The following CTNNA3 variants were observed in gnomAD, a reference collection of about 807,000 sequenced individuals.
CTNNA3 encodes catenin alpha-3.
In CTNNA3, 76 loss-of-function variants were observed where a neutral mutation model predicts 95.7. The ratio of observed to expected loss-of-function variants is 0.79; its 90% CI spans 0.66 to 0.96. The LOEUF (loss-of-function observed/expected upper bound fraction) is 0.96, where lower values mean the gene tolerates loss of function less well. Ranked by LOEUF, CTNNA3 falls within the 40% of genes least tolerant of loss-of-function variation. The pLI is 0.00. For synonymous variants in CTNNA3, 431 were observed against 374.4 expected (o/e 1.15, Z -1.74); for missense variants, 1,191 against 1,089.8 (o/e 1.09, Z -1.31).
At chr10:67,034,912 C>T (rs1158685409) in intron 7 of CTNNA3, among the ~76,000 whole-genome samples, 1 of 152,180 alleles carries the variant, frequency 6.6e-6, no homozygotes, top group Non-Finnish European at 1.5e-5. Context: ...TATCTCTTGG[C>T]AATGCTATTT....
At chr10:66,578,784 C>CTT (rs71035156) in intron 10 of CTNNA3, among the ~76,000 whole-genome samples, 183 of 143,238 alleles carry the variant, frequency 1.3e-3, no homozygotes, top group East Asian at 4.3e-3. Context: ...ATTTTTCTTT[C>CTT]TTTTTTTTTT....
At chr10:67,391,806 A>G (rs1177458371) in intron 5 of CTNNA3, among the ~76,000 whole-genome samples, 6 of 151,336 alleles carry the variant, frequency 4.0e-5, no homozygotes, top group Admixed American at 6.6e-5. Flanking sequence ...CAATGGGGAA[A>G]GGATTCCCTG....
At chr10:67,684,763 G>C (rs924133973) in intron 1 of CTNNA3, among the ~76,000 whole-genome samples, 2 of 152,162 alleles carry the variant, frequency 1.3e-5, no homozygotes, top group Non-Finnish European at 2.9e-5. Flanking sequence ...CTTGATTCTA[G>C]AGGAAACAAA....
At chr10:66,678,054 G>A (rs1319825946) in intron 9 of CTNNA3, among the ~76,000 whole-genome samples, 2 of 152,056 alleles carry the variant, frequency 1.3e-5, no homozygotes, top group South Asian at 2.1e-4. Context: ...CACTATAAAC[G>A]GAACTCAATC....
chr10:67,700,113 C>T (rs1005976604), upstream of CTNNA3, among the ~76,000 whole-genome samples: 1 of 152,250 alleles, frequency 6.6e-6, no homozygotes, highest in African/African-American at 2.4e-5. Flanking sequence ...GTAAACAAAG[C>T]AGCCAGGAAG....
In CTNNA3 at chr10:66,685,190, C is replaced by T. The variant is rs1169957128; in HGVS notation, c.1282-63406G>A. Among the ~76,000 whole-genome samples, 14 of 71,510 alleles carry T rather than the reference C, an allele frequency of 2.0e-4. No individual in the cohort carries two copies. The South Asian group carries it at 2.5e-3, about 13-fold the overall frequency. 46.9% of individuals were successfully genotyped at this position (71,510 alleles called of 152,430 possible). On this transcript the variant is annotated intron_variant, in intron 9 of 17. Coordinates refer to ENST00000433211, the MANE Select transcript of CTNNA3 (RefSeq NM_013266.4). ...ATATATATATACACATATATATATA[C>T]GTGTATATATATATACGTATATATA...
chr10:66,975,175 T>A (rs1393700074), intron 7 of CTNNA3, among the ~76,000 whole-genome samples: 3 of 152,220 alleles, frequency 2.0e-5, no homozygotes, highest in African/African-American at 4.8e-5. Flanking sequence ...CATGTGATTC[T>A]GCAATTGATA....
At chr10:66,865,352 A>G (rs1025705811) in intron 7 of CTNNA3, among the ~76,000 whole-genome samples, 3 of 152,126 alleles carry the variant, frequency 2.0e-5, no homozygotes, top group Admixed American at 6.6e-5. Context: ...TTCTATCATC[A>G]TGTTAAAAAG....
At chr10:67,586,475 T>G (rs1289516497) in intron 3 of CTNNA3, among the ~76,000 whole-genome samples, 2 of 152,216 alleles carry the variant, frequency 1.3e-5, no homozygotes, top group Admixed American at 6.5e-5. Flanking sequence ...ATTTGTTTTA[T>G]GAATACGGGT....
chr10:67,612,567 A>C (rs1843495814), intron 2 of CTNNA3, among the ~76,000 whole-genome samples: 1 of 152,202 alleles, frequency 6.6e-6, no homozygotes, highest in Admixed American at 6.5e-5. Context: ...TAGGGTGAGA[A>C]GGCCAAGAAA....
chr10:65,930,285 G>T (rs1564522158), intron 17 of CTNNA3, among the ~76,000 whole-genome samples: 2 of 150,726 alleles, frequency 1.3e-5, no homozygotes, highest in Admixed American at 6.6e-5. Flanking sequence ...AATTATATAG[G>T]CAACGGAAAA....
At chr10:67,624,598 T>A (rs868211658) in intron 2 of CTNNA3, among the ~76,000 whole-genome samples, 5 of 152,210 alleles carry the variant, frequency 3.3e-5, no homozygotes, top group African/African-American at 1.2e-4. Flanking sequence ...AGTTGATTTT[T>A]CAGCAAAACT....
chr10:67,245,490 C>A (rs114602959), intron 5 of CTNNA3, among the ~76,000 whole-genome samples: 2,606 of 152,232 alleles, frequency 0.017, 78 homozygotes, highest in African/African-American at 0.057. Flanking sequence ...CAACCCAAAT[C>A]AAGAATTTTC....
At chr10:67,323,475 C>A (rs1841409412) in intron 5 of CTNNA3, among the ~76,000 whole-genome samples, 1 of 152,140 alleles carries the variant, frequency 6.6e-6, no homozygotes, top group Non-Finnish European at 1.5e-5. Context: ...AATAGGGAAT[C>A]CTTTCTCTAT....
At chr10:66,075,730 A>C (rs544705478) in intron 14 of CTNNA3, among the ~76,000 whole-genome samples, 37 of 151,908 alleles carry the variant, frequency 2.4e-4, no homozygotes, top group African/African-American at 8.4e-4. Context: ...TGCAGATAAG[A>C]AAATTGTCCC....
At chr10:66,826,926 G>C (rs1481486031) in intron 7 of CTNNA3, among the ~76,000 whole-genome samples, 4 of 152,148 alleles carry the variant, frequency 2.6e-5, no homozygotes, top group South Asian at 2.1e-4. Flanking sequence ...CTCCAGCCTG[G>C]CTCTTTCATC....
intron 1 of CTNNA3, among the ~76,000 whole-genome samples, chr10:67,652,080 T>G (rs1839893128): frequency 6.6e-6 from 1 of 152,242 alleles, no homozygotes; most frequent in African/African-American, 2.4e-5. Flanking sequence ...TGGTGTCTGG[T>G]GAGGGCCAGC....
At chr10:66,317,695 ATG>A (rs769746729) in intron 12 of CTNNA3, among the ~76,000 whole-genome samples, 65,891 of 151,362 alleles carry the variant, frequency 0.44, 14,915 homozygotes, top group Non-Finnish European at 0.5. Context: ...AAAATTTAAA[ATG>A]AGAAAAGAAA....
chr10:67,373,930 GC>G (rs1426078389), intron 5 of CTNNA3, among the ~76,000 whole-genome samples: 4 of 152,122 alleles, frequency 2.6e-5, no homozygotes, highest in Admixed American at 6.6e-5. Flanking sequence ...AACATGCTAT[GC>G]CCCATGGGGT....
Sources: allele counts gnomAD v4.1 joint callset (sites outside exome capture counted in the v4.1 genomes callset), GRCh38; gene constraint gnomAD v4.1.1; transcripts MANE v1.5; gene names NCBI Gene and HGNC (gene_info 2026-07-23, HGNC 2026-07-21).